The following ARB2A variants were observed in gnomAD, a reference collection of about 807,000 sequenced individuals.
ARB2A encodes the protein ARB2 cotranscriptional regulator A.
chr5:93,820,183 CTG>C, the ARB2A span, among the ~76,000 whole-genome samples: 2 of 152,182 alleles, frequency 1.3e-5, no homozygotes, highest in South Asian at 2.1e-4. Flanking sequence ...CATATGAACA[CTG>C]TTGTTTTGGC....
chr5:93,652,467 A>G, the ARB2A span, among the ~76,000 whole-genome samples: 395 of 152,332 alleles, frequency 2.6e-3, 2 homozygotes, highest in African/African-American at 9.2e-3. Context: ...ATCAGTTGCC[A>G]TCAGAGTTGT....
chr5:94,044,791 T>C, the ARB2A span, among the ~76,000 whole-genome samples: 2 of 151,940 alleles, frequency 1.3e-5, no homozygotes, highest in Admixed American at 1.3e-4. Context: ...CAGATGGCCA[T>C]GAGAGTGACC....
At chr5:93,624,349 C>T in the ARB2A span, among the ~76,000 whole-genome samples, 5 of 152,098 alleles carry the variant, frequency 3.3e-5, no homozygotes, top group Non-Finnish European at 7.4e-5. Context: ...CCACTTTACC[C>T]TTATCAGAAG....
the ARB2A span, among the ~76,000 whole-genome samples, chr5:93,779,149 G>A: frequency 3.3e-5 from 5 of 151,604 alleles, no homozygotes; most frequent in African/African-American, 1.2e-4. Flanking sequence ...ACGTGCAGGG[G>A]CATGTGGCAT....
At chr5:93,828,124 T>C in the ARB2A span, among the ~76,000 whole-genome samples, 7 of 152,276 alleles carry the variant, frequency 4.6e-5, no homozygotes, top group African/African-American at 1.7e-4. Flanking sequence ...TCCAATTCTG[T>C]GAAGAAAGTC....
chr5:93,971,021 T>C, the ARB2A span, among the ~76,000 whole-genome samples: 5 of 151,910 alleles, frequency 3.3e-5, no homozygotes, highest in African/African-American at 1.2e-4. Flanking sequence ...TAATTTGAGA[T>C]GGAGTCTTGC....
chr5:93,740,568 C>T, the ARB2A span: 1 of 1,583,346 alleles, frequency 6.3e-7, no homozygotes, highest in South Asian at 1.1e-5. Flanking sequence ...AAGGGCAAGC[C>T]CCTCAGCCCT....
At chr5:93,627,699 C>A in the ARB2A span, among the ~76,000 whole-genome samples, 1 of 152,098 alleles carries the variant, frequency 6.6e-6, no homozygotes, top group Non-Finnish European at 1.5e-5. Flanking sequence ...TTTGGCTTCC[C>A]AAAGTGGTGG....
chr5:93,842,312 T>G, the ARB2A span, among the ~76,000 whole-genome samples: 1 of 152,192 alleles, frequency 6.6e-6, no homozygotes, highest in Admixed American at 6.6e-5. Flanking sequence ...ATATCATCTA[T>G]GGTTGCTTTC....
the ARB2A span, chr5:93,738,649 T>C: frequency 1.3e-5 from 2 of 152,220 alleles, no homozygotes; most frequent in African/African-American, 4.8e-5. Context: ...GAAGTTCTGA[T>C]ACACACTACA....
At chr5:93,998,153 T>C in the ARB2A span, among the ~76,000 whole-genome samples, 1 of 151,894 alleles carries the variant, frequency 6.6e-6, no homozygotes, top group East Asian at 1.9e-4. Flanking sequence ...AAGAGCGTAA[T>C]GAGAAGGCCC....
chr5:93,663,993 G>C, the ARB2A span, among the ~76,000 whole-genome samples: 1 of 152,020 alleles, frequency 6.6e-6, no homozygotes, highest in African/African-American at 2.4e-5. Flanking sequence ...GCTTTCCAAA[G>C]GGTTCATGTA....
chr5:93,620,705 C>T, the ARB2A span: 2 of 304,062 alleles, frequency 6.6e-6, no homozygotes, highest in African/African-American at 2.2e-5. Context: ...AGAGCTTCGC[C>T]GGCCGAGCCA....
At chr5:93,968,078 C>A in the ARB2A span, among the ~76,000 whole-genome samples, 2 of 152,078 alleles carry the variant, frequency 1.3e-5, no homozygotes, top group Non-Finnish European at 2.9e-5. Flanking sequence ...AATGCCTAGC[C>A]AAATAAACAT....
At chr5:93,943,240 TATG>T in the ARB2A span, among the ~76,000 whole-genome samples, 2 of 152,166 alleles carry the variant, frequency 1.3e-5, no homozygotes, top group East Asian at 1.9e-4. Flanking sequence ...AATATTTAAA[TATG>T]ATATTATCAA....
the ARB2A span, among the ~76,000 whole-genome samples, chr5:93,911,223 C>T: frequency 5.3e-5 from 8 of 151,606 alleles, no homozygotes; most frequent in South Asian, 1.7e-3. Flanking sequence ...AATCTAGCAG[C>T]AATAATATAG....
the ARB2A span, among the ~76,000 whole-genome samples, chr5:93,721,300 T>G: frequency 1.3e-5 from 2 of 152,146 alleles, no homozygotes; most frequent in South Asian, 2.1e-4. Context: ...TTTGATGTCT[T>G]ACTCTCATAG....
the ARB2A span, among the ~76,000 whole-genome samples, chr5:94,051,856 G>C: frequency 2.0e-5 from 3 of 152,116 alleles, no homozygotes; most frequent in Non-Finnish European, 2.9e-5. Flanking sequence ...GTCTCGCTCT[G>C]TCACCCAGGC....
the ARB2A span, chr5:93,620,853 G>T: frequency 8.5e-7 from 1 of 1,176,696 alleles, no homozygotes; most frequent in Non-Finnish European, 1.2e-6. Flanking sequence ...ACGCTATTTA[G>T]ATGTATATAT....
Sources: gnomAD v4.1 joint callset for allele counts (sites outside exome capture counted in the v4.1 genomes callset) on GRCh38, gnomAD v4.1.1 for gene constraint, MANE v1.5 for transcripts, NCBI Gene and HGNC (gene_info 2026-07-23, HGNC 2026-07-21) for gene names.